Variants in RUNX1 observed in about 807,000 individuals in gnomAD.
RUNX1 encodes runt-related transcription factor 1.
In RUNX1, 19 loss-of-function variants were observed where a neutral mutation model predicts 42.8. The ratio of observed to expected loss-of-function variants is 0.44; its 90% CI spans 0.31 to 0.65. RUNX1 has a LOEUF of 0.65. RUNX1 is among the 30% of genes least tolerant of loss of function. The pLI, the probability that RUNX1 is intolerant of heterozygous loss-of-function variation, is 0.07. For synonymous variants in RUNX1, 271 were observed against 289.4 expected (o/e 0.94, Z 0.64); for missense variants, 528 against 672.0 (o/e 0.79, Z 2.37).
chr21:34,883,030 T>C (rs923501363), intron 4 of RUNX1, among the ~76,000 whole-genome samples: 1 of 152,224 alleles, frequency 6.6e-6, no homozygotes, highest in East Asian at 1.9e-4. Context: ...GTATTCTGAA[T>C]TATCTGCCTC....
intron 8 of RUNX1, among the ~76,000 whole-genome samples, chr21:34,797,523 C>G (rs1407276679): frequency 1.3e-5 from 2 of 152,180 alleles, no homozygotes; most frequent in Admixed American, 1.3e-4. Context: ...AGACCCATAG[C>G]AGGAACATTT....
chr21:34,881,973 G>A (rs2057911911), intron 4 of RUNX1, among the ~76,000 whole-genome samples: 1 of 152,172 alleles, frequency 6.6e-6, no homozygotes, highest in African/African-American at 2.4e-5. Context: ...GGTAAAGTCA[G>A]TAGTGACATT....
chr21:34,880,699 C>T lies in RUNX1; in HGVS notation c.366G>A (p.Gly122=), dbSNP rs2146363720. ...TGACCAGAGTGCCATCTGGAACATC[C>T]CCTAGGGCCACCACCTAAACACCAG... The part of the protein sequence containing the change: ...LPIAFKVVAL[G]DVPDGTLVTV... Residue 122 remains glycine (G), a synonymous_variant, in exon 5 of 9, where the codon GGG becomes GGA. Transcript: ENST00000675419. The T allele has an allele frequency of 6.2e-7, 1 of 1,614,082 alleles. No homozygotes were observed. The highest frequency in any genetic ancestry group is 1.3e-5 in the African/African-American group (1 of 74,988).
chr21:34,950,692 T>C (rs2058600601), intron 2 of RUNX1, among the ~76,000 whole-genome samples: 1 of 152,196 alleles, frequency 6.6e-6, no homozygotes, highest in Non-Finnish European at 1.5e-5. Flanking sequence ...TCTGAGATCT[T>C]GCCACTGCAC....
chr21:34,863,405 G>A (rs912883059), intron 5 of RUNX1, among the ~76,000 whole-genome samples: 11 of 152,168 alleles, frequency 7.2e-5, no homozygotes, highest in South Asian at 4.1e-4. Context: ...ACTGAGCTGC[G>A]TTTGGGCCTC....
At chr21:34,876,570 T>A (rs1357149342) in intron 5 of RUNX1, among the ~76,000 whole-genome samples, 1 of 152,140 alleles carries the variant, frequency 6.6e-6, no homozygotes, top group African/African-American at 2.4e-5. Flanking sequence ...CACGTGCATT[T>A]TTTTTTTGTC....
At chr21:34,856,531 G>A in intron 6 of RUNX1, 1 of 486,928 alleles carries the variant, frequency 2.1e-6, no homozygotes, top group Non-Finnish European at 4.1e-6. Context: ...GATAAATGAA[G>A]GACAGCACAG....
At chr21:35,022,361 G>A (rs1032758822) in intron 2 of RUNX1, among the ~76,000 whole-genome samples, 4 of 152,222 alleles carry the variant, frequency 2.6e-5, no homozygotes, top group African/African-American at 9.6e-5. Flanking sequence ...CCTGCGCCCC[G>A]CAGGAGTGCC....
At chr21:34,998,800 C>T (rs577889903) in intron 2 of RUNX1, among the ~76,000 whole-genome samples, 2 of 152,332 alleles carry the variant, frequency 1.3e-5, no homozygotes, top group Non-Finnish European at 2.9e-5. Flanking sequence ...CTTGCCCTCC[C>T]AAAGTGCTGG....
chr21:34,922,448 G>A (rs1175824935), intron 2 of RUNX1, among the ~76,000 whole-genome samples: 1 of 152,074 alleles, frequency 6.6e-6, no homozygotes, highest in East Asian at 1.9e-4. Context: ...GATTAGTTTG[G>A]CCAAGGTCAC....
At chr21:34,941,666 A>G (rs1018745283) in intron 2 of RUNX1, among the ~76,000 whole-genome samples, 1 of 152,226 alleles carries the variant, frequency 6.6e-6, no homozygotes, top group South Asian at 2.1e-4. Context: ...AAAATGTTTT[A>G]TCTCTATTCA....
chr21:34,966,520 C>T (rs1015007851), intron 2 of RUNX1, among the ~76,000 whole-genome samples: 5 of 152,204 alleles, frequency 3.3e-5, no homozygotes, highest in East Asian at 1.9e-4. Flanking sequence ...CAGAGGAAGG[C>T]GTGAGGTAGC....
intron 6 of RUNX1, among the ~76,000 whole-genome samples, chr21:34,857,559 C>G (rs1230532968): frequency 6.6e-6 from 1 of 152,232 alleles, no homozygotes; most frequent in Non-Finnish European, 1.5e-5. Flanking sequence ...GTCGGCATTT[C>G]AACTGTCCCA....
intron 6 of RUNX1, among the ~76,000 whole-genome samples, chr21:34,841,156 TAA>T (rs754501660): frequency 1.5e-4 from 23 of 152,026 alleles, no homozygotes; most frequent in Non-Finnish European, 2.9e-4. Context: ...AGTAGGCACA[TAA>T]GTCTTAGGTG....
At chr21:34,975,737 G>A (rs951889399) in intron 2 of RUNX1, among the ~76,000 whole-genome samples, 1 of 152,038 alleles carries the variant, frequency 6.6e-6, no homozygotes, top group African/African-American at 2.4e-5. Context: ...GGTAGCAATT[G>A]CAAAAATCTT....
chr21:34,788,568 A>G lies in RUNX1; in HGVS notation c.*3567T>C. 8.6e-6 allele frequency: 2 copies of G among 233,252 alleles called. No individual in the cohort carries two copies. Among genetic ancestry groups the G allele is most frequent in the Admixed American group, 5.6e-5 (1 of 17,800 alleles). The allele number at this position is 233,252 out of a possible 1,614,324, so 14.4% of individuals were successfully genotyped here. On this transcript the variant is annotated 3_prime_UTR_variant, in exon 9 of 9. Coordinates refer to ENST00000675419, the MANE Select transcript of RUNX1 (RefSeq NM_001754.5). ...GAAACACACACAAAAAAATTGAAAA[A>G]AAGTTATAGGCATTAACAATATTTT...
chr21:34,933,445 A>T (rs539782968), intron 2 of RUNX1, among the ~76,000 whole-genome samples: 2 of 152,328 alleles, frequency 1.3e-5, no homozygotes, highest in African/African-American at 4.8e-5. Context: ...CTAACAATGA[A>T]TCCAACATCT....
chr21:35,036,628 G>C (rs1025221359), intron 2 of RUNX1, among the ~76,000 whole-genome samples: 1 of 152,224 alleles, frequency 6.6e-6, no homozygotes, highest in African/African-American at 2.4e-5. Context: ...CATGATGTCA[G>C]AGGACTGGTG....
At chr21:34,921,887 G>A (rs1187899033) in intron 2 of RUNX1, among the ~76,000 whole-genome samples, 2 of 152,152 alleles carry the variant, frequency 1.3e-5, no homozygotes, top group Non-Finnish European at 2.9e-5. Context: ...ACCTGCCTCG[G>A]CCTCCTGAAG....
Sources: allele counts gnomAD v4.1 joint callset (sites outside exome capture counted in the v4.1 genomes callset), GRCh38; gene constraint gnomAD v4.1.1; transcripts MANE v1.5; gene names NCBI Gene and HGNC (gene_info 2026-07-23, HGNC 2026-07-21).